The following EYS variants were observed in gnomAD, a reference collection of about 807,000 sequenced individuals.
EYS encodes the protein EGF-like photoreceptor maintenance factor, also known as protein eyes shut homolog.
A neutral mutation model predicts 282.1 loss-of-function variants in EYS; 250 were observed. The observed-to-expected ratio is 0.89, with a 90% CI of 0.80 to 0.98. EYS has a LOEUF of 0.98. Among genes scored for constraint, EYS ranks in the 50% least tolerant of loss-of-function variants. EYS has a pLI of 0.00. For synonymous variants in EYS, 1,355 were observed against 1,282.9 expected (o/e 1.06, Z -1.20); for missense variants, 4,016 against 3,709.0 (o/e 1.08, Z -2.15).
intron 30 of EYS, among the ~76,000 whole-genome samples, chr6:64,306,657 G>A (rs1316035030): frequency 6.6e-6 from 1 of 152,104 alleles, no homozygotes; most frequent in African/African-American, 2.4e-5. Context: ...ACACAGGCAT[G>A]CTTGTCAGCA....
chr6:64,199,381 T>C (rs774108551), intron 31 of EYS, among the ~76,000 whole-genome samples: 3 of 152,106 alleles, frequency 2.0e-5, no homozygotes, highest in African/African-American at 4.8e-5. Flanking sequence ...GCTAGCCATA[T>C]GCAGAAAACT....
intron 19 of EYS, among the ~76,000 whole-genome samples, chr6:64,862,416 C>A (rs888654246): frequency 6.8e-6 from 1 of 146,828 alleles, no homozygotes; most frequent in Admixed American, 6.8e-5. Context: ...ATGACCTCAG[C>A]TTTTTGTGTA....
rs763570621 is a variant in EYS at position 64,430,103 on chromosome 6, C to T, written c.5927+6071G>A. ...ATTCCCGCTCTAATTGACACATGTCCTGTTCTTGGTTTCATTCTTAATGTC... is the reference window on the plus strand; with the variant it reads ...ATTCCCGCTCTAATTGACACATGTCTTGTTCTTGGTTTCATTCTTAATGTC... On this transcript the variant is annotated intron_variant, in intron 28 of 42. Transcript: ENST00000503581. Among the ~76,000 whole-genome samples, 7 of 152,158 alleles carry T rather than the reference C, an allele frequency of 4.6e-5. No homozygotes were observed. The South Asian group carries it at 1.2e-3, about 27-fold the overall frequency.
chr6:64,068,521 G>A, intron 32 of EYS, among the ~76,000 whole-genome samples: 2 of 146,762 alleles, frequency 1.4e-5, no homozygotes, highest in Admixed American at 6.9e-5. Context: ...GGGGTGGGGG[G>A]ACGGGGGAGG....
intron 1 of EYS, among the ~76,000 whole-genome samples, chr6:65,640,480 T>C (rs1415824562): frequency 6.6e-6 from 1 of 152,168 alleles, no homozygotes; most frequent in East Asian, 1.9e-4. Context: ...TATGTATATG[T>C]CTTCAGTTGC....
In EYS at chr6:65,557,070, T is replaced by C. The variant is rs180804114; in HGVS notation, c.-332-61077A>G. 4.3e-3 allele frequency among the ~76,000 whole-genome samples: 654 copies of C among 152,326 alleles called. 11 individuals carry two copies. Among genetic ancestry groups the C allele is most frequent in the South Asian group, 0.016 (77 of 4,824 alleles). ...AAATGTACAGATGGTATAGTTATGG[T>C]AAATTGTTGATATTCCAAAGTAAAT... On this transcript the variant is annotated intron_variant, in intron 2 of 42. Coordinates refer to ENST00000503581, the MANE Select transcript of EYS (RefSeq NM_001142800.2).
chr6:64,189,381 T>C (rs1250805188), intron 31 of EYS, among the ~76,000 whole-genome samples: 7 of 152,120 alleles, frequency 4.6e-5, no homozygotes, highest in African/African-American at 1.7e-4. Flanking sequence ...AAAAGAAGAA[T>C]AACGTTTTGT....
chr6:65,321,926 A>G (rs1052289634), intron 11 of EYS, among the ~76,000 whole-genome samples: 2 of 152,214 alleles, frequency 1.3e-5, no homozygotes, highest in African/African-American at 4.8e-5. Context: ...GAGAATAGGC[A>G]AGTCACTTAA....
intron 27 of EYS, among the ~76,000 whole-genome samples, chr6:64,436,868 T>C (rs1419411201): frequency 1.3e-5 from 2 of 151,818 alleles, no homozygotes; most frequent in Non-Finnish European, 3.0e-5. Flanking sequence ...ATTAAGCTTC[T>C]TAGCAAGCAT....
intron 1 of EYS, among the ~76,000 whole-genome samples, chr6:65,663,560 G>T (rs1768080253): frequency 6.6e-6 from 1 of 152,140 alleles, no homozygotes; most frequent in Admixed American, 6.6e-5. Context: ...AAACCAAATG[G>T]GTTCATTGGC....
At chr6:64,377,151 T>C (rs1447009149) in intron 29 of EYS, among the ~76,000 whole-genome samples, 2 of 152,170 alleles carry the variant, frequency 1.3e-5, no homozygotes, top group African/African-American at 4.8e-5. Flanking sequence ...AATAAATGAA[T>C]GAATTTCTCA....
rs548473915 is a variant in EYS, at chr6:64,033,962, C to T, written c.6725+32376G>A. On this transcript the variant is annotated intron_variant, in intron 33 of 42. Transcript: ENST00000503581. ...TGGAGTAGCTGAGTAGTATCTTGAA[C>T]ATTTTTACAGTATAGTCTAATTTGT... Among the ~76,000 whole-genome samples the T allele has an allele frequency of 2.0e-5, 3 of 152,016 alleles. No individual in the cohort carries two copies. The South Asian group carries it at 6.2e-4, about 31-fold the overall frequency.
At chr6:64,321,529 C>T (rs1009219209) in intron 29 of EYS, among the ~76,000 whole-genome samples, 3 of 151,588 alleles carry the variant, frequency 2.0e-5, no homozygotes, top group Non-Finnish European at 4.4e-5. Flanking sequence ...ATAAATTACA[C>T]GTGGGCCATA....
At position 64,034,889 on chromosome 6, in the gene EYS, T is replaced by G. The variant is rs568272185; in HGVS notation, c.6725+31449A>C. Among the ~76,000 whole-genome samples the G allele has an allele frequency of 8.5e-5, 13 of 152,368 alleles. No homozygotes were observed. The South Asian group carries it at 2.7e-3, about 32-fold the overall frequency. ...GCAGCAAGATGAAATTATATATTTC[T>G]ATTTTTAATATCTTACCAAAGCAAC... On this transcript the variant is annotated intron_variant, in intron 33 of 42. Coordinates refer to ENST00000503581, the MANE Select transcript of EYS (RefSeq NM_001142800.2).
chr6:65,377,457 T>G (rs1220540427), intron 8 of EYS, among the ~76,000 whole-genome samples: 5 of 151,614 alleles, frequency 3.3e-5, no homozygotes, highest in Non-Finnish European at 5.9e-5. Flanking sequence ...ACATCACAAT[T>G]AAAAGAAATA....
At chr6:65,616,522 T>C (rs1476695349) in intron 2 of EYS, among the ~76,000 whole-genome samples, 1 of 152,156 alleles carries the variant, frequency 6.6e-6, no homozygotes, top group East Asian at 1.9e-4. Flanking sequence ...GCGCAGTGGA[T>C]CACACCTGTA....
intron 31 of EYS, among the ~76,000 whole-genome samples, chr6:64,162,156 C>G (rs1181458005): frequency 6.6e-6 from 1 of 152,132 alleles, no homozygotes; most frequent in African/African-American, 2.4e-5. Flanking sequence ...ACATGAGAAA[C>G]TAGTCAGGAG....
At chr6:64,078,782 A>G (rs1257311809) in intron 32 of EYS, among the ~76,000 whole-genome samples, 1 of 152,100 alleles carries the variant, frequency 6.6e-6, no homozygotes, top group Non-Finnish European at 1.5e-5. Flanking sequence ...AAATGATCCT[A>G]TGGCACTATC....
chr6:64,949,525 C>A (rs1769407783), intron 14 of EYS, among the ~76,000 whole-genome samples: 1 of 151,882 alleles, frequency 6.6e-6, no homozygotes, highest in African/African-American at 2.4e-5. Flanking sequence ...GCTGTTACCT[C>A]TTGTTTTGTT....
Sources: gnomAD v4.1 joint callset for allele counts (sites outside exome capture counted in the v4.1 genomes callset) on GRCh38, gnomAD v4.1.1 for gene constraint, MANE v1.5 for transcripts, NCBI Gene and HGNC (gene_info 2026-07-23, HGNC 2026-07-21) for gene names.